The following CASD1 variants were observed in gnomAD, a reference collection of about 807,000 sequenced individuals.
CASD1 encodes the protein N-acetylneuraminate (7)9-O-acetyltransferase.
Under a neutral mutation model 100.0 loss-of-function variants are expected in CASD1, and 41 were observed. That is an observed-to-expected ratio of 0.41 (90% CI 0.32 to 0.53). The LOEUF is 0.53. Among genes scored for constraint, CASD1 ranks in the 20% least tolerant of loss-of-function variants. The probability of loss-of-function intolerance (pLI) is 0.25; values close to 1 mark genes in which losing one functional copy is unlikely to be tolerated. For missense variants in CASD1, 774 were observed against 948.7 expected (o/e 0.82, Z 2.42); for synonymous variants, 321 against 315.6 (o/e 1.02, Z -0.18).
At chr7:94,553,842 C>T (rs768145730) in intron 16 of CASD1, 2 of 148,358 alleles carry the variant, frequency 1.3e-5, no homozygotes, top group African/African-American at 5.0e-5. Context: ...ATTGTTCCAC[C>T]GAAAATGAAA....
At chr7:94,521,971 G>C (rs911939196) in intron 3 of CASD1, among the ~76,000 whole-genome samples, 1 of 152,204 alleles carries the variant, frequency 6.6e-6, no homozygotes, top group Non-Finnish European at 1.5e-5. Context: ...TGTAGTCCCA[G>C]CTATCGGGAG....
At chr7:94,566,407 A>G in the CASD1 span, among the ~76,000 whole-genome samples, 32 of 152,294 alleles carry the variant, frequency 2.1e-4, no homozygotes, top group Non-Finnish European at 4.4e-4. Context: ...ATACTTATAA[A>G]AAAGAAATAT....
chr7:94,541,936 G>A (rs764716189), intron 10 of CASD1, among the ~76,000 whole-genome samples: 2 of 152,176 alleles, frequency 1.3e-5, no homozygotes, highest in African/African-American at 4.8e-5. Flanking sequence ...GCATATAGGT[G>A]TCCATTGTAC....
At position 94,535,303 on chromosome 7, in the gene CASD1, G is replaced by C; in HGVS notation, c.629-6G>C. On this transcript the variant is annotated splice_polypyrimidine_tract_variant and splice_region_variant and intron_variant, in intron 7 of 17. Transcript: ENST00000297273. ...ATGTGTTTTTAAAAATGTGTCTCAC[G>C]TGCAGATCCTGTTTATGAAGATCTA... 1 of 1,601,446 alleles carries C rather than the reference G, an allele frequency of 6.2e-7. No individual in the cohort carries two copies. The highest frequency in any genetic ancestry group is 8.5e-7 in the Non-Finnish European group (1 of 1,169,858).
chr7:94,521,628 T>C (rs1794277058), intron 3 of CASD1, among the ~76,000 whole-genome samples: 1 of 152,146 alleles, frequency 6.6e-6, no homozygotes, highest in Non-Finnish European at 1.5e-5. Context: ...AAAACCAAAC[T>C]CATCTAATGC....
At position 94,533,701 on chromosome 7, in the gene CASD1, G is replaced by A; in HGVS notation, c.527G>A (p.Gly176Asp). ...AATWSIKIHN[G>D]SSEALSQYKM... ...TAGTGGTCCATCAAGATTCACAATG[G>A]TAGCAGTGAAGCGCTTTCTCAATAT... Residue 176 changes from glycine to aspartate, a missense_variant, in exon 7 of 18, where the codon GGT (glycine) becomes GAT (aspartate). By Grantham distance (94) the Gly-to-Asp change is moderately conservative. Coordinates refer to ENST00000297273, the MANE Select transcript of CASD1 (RefSeq NM_022900.5). The A allele has an allele frequency of 1.2e-6, 2 of 1,601,240 alleles. No homozygotes were observed. Among genetic ancestry groups the A allele is most frequent in the Non-Finnish European group, 1.7e-6 (2 of 1,174,184 alleles).
At chr7:94,585,425 G>A in the CASD1 span, 1 of 1,355,844 alleles carries the variant, frequency 7.4e-7, no homozygotes, top group East Asian at 2.3e-5. Flanking sequence ...TGCATTATTG[G>A]AAGAGAAAAG....
At chr7:94,552,450 T>A (rs1381223909) in intron 16 of CASD1, 23 bp downstream of exon 16, 1 of 1,531,366 alleles carries the variant, frequency 6.5e-7, no homozygotes. Flanking sequence ...TTTAGAGAAA[T>A]TTCTACATCT....
chr7:94,551,945 T>G (rs1795970349), intron 15 of CASD1: 1 of 170,938 alleles, frequency 5.9e-6, no homozygotes, highest in Admixed American at 6.4e-5. Context: ...GCGATGTATA[T>G]CTCCTTATTT....
At chr7:94,590,007 A>G in the CASD1 span, 1 of 152,180 alleles carries the variant, frequency 6.6e-6, no homozygotes, top group Non-Finnish European at 1.5e-5. Flanking sequence ...CATTTAAATA[A>G]CACACATTTC....
At chr7:94,522,076 T>TC (rs1933680390) in intron 3 of CASD1, among the ~76,000 whole-genome samples, 1 of 152,014 alleles carries the variant, frequency 6.6e-6, no homozygotes, top group Non-Finnish European at 1.5e-5. Context: ...AGAGTGAGAC[T>TC]CCATTTCAAA....
the CASD1 span, chr7:94,587,619 C>T: frequency 2.6e-5 from 36 of 1,399,364 alleles, no homozygotes; most frequent in Non-Finnish European, 3.2e-5. Context: ...CTTCATCAAT[C>T]TCCTGAATGC....
At chr7:94,551,308 T>C in intron 14 of CASD1, 30 bp from the exon 15 acceptor site, 1 of 1,510,536 alleles carries the variant, frequency 6.6e-7, no homozygotes, top group South Asian at 1.4e-5. Context: ...AGTAACTGTT[T>C]AAAACAAATT....
At chr7:94,569,896 C>T in the CASD1 span, among the ~76,000 whole-genome samples, 3 of 150,366 alleles carry the variant, frequency 2.0e-5, no homozygotes, top group South Asian at 2.1e-4. Flanking sequence ...TCACTGCAAG[C>T]TCTGCCTCCC....
intron 1 of CASD1, among the ~76,000 whole-genome samples, chr7:94,511,726 T>TATTGTC (rs1328354522): frequency 6.6e-6 from 1 of 152,252 alleles, no homozygotes; most frequent in Non-Finnish European, 1.5e-5. Context: ...ACTACAGTAC[T>TATTGTC]ATTGTCCTAA....
chr7:94,629,493 A>C, the CASD1 span: 1 of 445,524 alleles, frequency 2.2e-6, no homozygotes, highest in African/African-American at 2.0e-5. Flanking sequence ...ATAAAACTCA[A>C]GACTGAGAAT....
intron 10 of CASD1, among the ~76,000 whole-genome samples, chr7:94,539,752 A>T (rs538768701): frequency 2.8e-4 from 42 of 152,032 alleles, no homozygotes; most frequent in Non-Finnish European, 5.9e-4. Context: ...GTCAGAAGAA[A>T]TCAAATTTGA....
intron 1 of CASD1, among the ~76,000 whole-genome samples, chr7:94,512,800 G>A (rs536351127): frequency 1.3e-5 from 2 of 152,126 alleles, no homozygotes; most frequent in African/African-American, 2.4e-5. Context: ...AAATAATCAT[G>A]TGTCTAATAA....
chr7:94,629,454 T>G, the CASD1 span: 1 of 351,992 alleles, frequency 2.8e-6, no homozygotes, highest in Non-Finnish European at 5.4e-6. Flanking sequence ...TATTTCCATG[T>G]GAATATAGGT....
Sources: gnomAD v4.1 joint callset for allele counts (sites outside exome capture counted in the v4.1 genomes callset) on GRCh38, gnomAD v4.1.1 for gene constraint, MANE v1.5 for transcripts, NCBI Gene and HGNC (gene_info 2026-07-23, HGNC 2026-07-21) for gene names.